Variants in VPS35L observed in about 807,000 individuals in gnomAD.
VPS35L encodes VPS35 endosomal protein-sorting factor-like.
In VPS35L, 83 loss-of-function variants were observed where a neutral mutation model predicts 133.0. The ratio of observed to expected loss-of-function variants is 0.62; its 90% confidence interval spans 0.52 to 0.75. The LOEUF is 0.75. Among genes scored for constraint, VPS35L ranks in the 30% least tolerant of loss-of-function variants. The probability of loss-of-function intolerance (pLI) is 0.00; values close to 1 mark genes in which losing one functional copy is unlikely to be tolerated. For synonymous variants in VPS35L, 423 were observed against 449.9 expected (o/e 0.94, Z 0.76); for missense variants, 1,083 against 1,206.8 (o/e 0.90, Z 1.52).
At chr16:19,581,384 C>A in intron 6 of VPS35L, 141 bp from the exon 7 acceptor site, 4 of 975,106 alleles carry the variant, frequency 4.1e-6, no homozygotes, top group Non-Finnish European at 2.9e-6. Context: ...TTGCAAATTG[C>A]AAGGCAAAGC....
At position 19,629,831 on chromosome 16, in the gene VPS35L, C is replaced by T. The variant is rs898352634; in HGVS notation, c.1554+11C>T. ...TGCAAGCATTTCACGGTATGTGTGA[C>T]TGTGGTATTGTTTTTGAAAGAATTA... On this transcript the variant is annotated intron_variant, in intron 18 of 30. Coordinates refer to ENST00000417362, the MANE Select transcript of VPS35L (RefSeq NM_020314.7). The T allele has an allele frequency of 4.3e-6, 7 of 1,612,024 alleles. No homozygotes were observed. The highest frequency in any genetic ancestry group is 5.1e-6 in the Non-Finnish European group (6 of 1,178,182).
At chr16:19,691,672 T>C (rs1975693712) in intron 29 of VPS35L, among the ~76,000 whole-genome samples, 2 of 152,200 alleles carry the variant, frequency 1.3e-5, no homozygotes, top group African/African-American at 4.8e-5. Context: ...GGGCTTCCCC[T>C]GGCTGTTCCT....
intron 8 of VPS35L, 89 bp downstream of exon 8, chr16:19,591,963 G>T: frequency 9.3e-7 from 1 of 1,077,346 alleles, no homozygotes; most frequent in Non-Finnish European, 1.4e-6. Context: ...ATTAGGTTCT[G>T]CTGTGGTTTA....
At chr16:19,693,170 A>G (rs904870383) in intron 29 of VPS35L, among the ~76,000 whole-genome samples, 1 of 152,114 alleles carries the variant, frequency 6.6e-6, no homozygotes, top group East Asian at 1.9e-4. Flanking sequence ...GTGGCATTGG[A>G]ACCCCAGTTT....
chr16:19,590,594 C>T (rs1972013938), intron 7 of VPS35L, among the ~76,000 whole-genome samples: 3 of 152,258 alleles, frequency 2.0e-5, no homozygotes, highest in Middle Eastern at 3.4e-3. Context: ...CATTGTGTGA[C>T]TGCGGTCTTC....
At chr16:19,700,102 C>A (rs1976065429) in intron 30 of VPS35L, among the ~76,000 whole-genome samples, 1 of 152,180 alleles carries the variant, frequency 6.6e-6, no homozygotes, top group South Asian at 2.1e-4. Flanking sequence ...GTCTCCAAAA[C>A]AAAGAACAAA....
chr16:19,653,935 A>C (rs1459642036), intron 26 of VPS35L, among the ~76,000 whole-genome samples: 2 of 152,278 alleles, frequency 1.3e-5, no homozygotes, highest in East Asian at 3.9e-4. Context: ...TTCTGAGTGC[A>C]GCTGAACACT....
intron 5 of VPS35L, among the ~76,000 whole-genome samples, chr16:19,576,863 G>T (rs1176673778): frequency 6.6e-6 from 1 of 151,942 alleles, no homozygotes; most frequent in African/African-American, 2.4e-5. Flanking sequence ...TGCACCACCA[G>T]GCCCAGCTAA....
At chr16:19,616,237 G>A (rs764651347) in intron 13 of VPS35L, 46 bp downstream of exon 13, 1 of 1,518,894 alleles carries the variant, frequency 6.6e-7, no homozygotes, top group Non-Finnish European at 9.1e-7. Context: ...ACAGTTCTAT[G>A]ATAGCAAATT....
chr16:19,596,441 AT>A (rs113074231), intron 8 of VPS35L, among the ~76,000 whole-genome samples: 677 of 140,762 alleles, frequency 4.8e-3, no homozygotes, highest in Non-Finnish European at 4.7e-3. Context: ...TGCCCAGCGA[AT>A]TTTTTTTTTT....
intron 1 of VPS35L, among the ~76,000 whole-genome samples, chr16:19,561,096 G>A (rs1378686508): frequency 6.6e-6 from 1 of 152,128 alleles, no homozygotes; most frequent in African/African-American, 2.4e-5. Flanking sequence ...GGGGCCAGGT[G>A]CAGTGGCTCA....
At chr16:19,622,049 C>T (rs1334888599) in intron 14 of VPS35L, among the ~76,000 whole-genome samples, 1 of 151,742 alleles carries the variant, frequency 6.6e-6, no homozygotes, top group Non-Finnish European at 1.5e-5. Context: ...CTGTGTTTTC[C>T]TCCCATCTTA....
intron 9 of VPS35L, among the ~76,000 whole-genome samples, chr16:19,606,413 CT>C (rs1263736598): frequency 4.6e-5 from 7 of 152,316 alleles, no homozygotes; most frequent in African/African-American, 1.7e-4. Flanking sequence ...AAAAAAGTTA[CT>C]TCATGTGTAG....
chr16:19,590,137 CCG>C lies in VPS35L; in HGVS notation c.640-1651_640-1650del, dbSNP rs201506792. On this transcript the variant is annotated intron_variant, in intron 7 of 30. Coordinates refer to ENST00000417362, the MANE Select transcript of VPS35L (RefSeq NM_020314.7). Reference sequence around the variant, plus strand: ...TGTTTTTACAGCTTACATTCCCGCCCCGCCCCCCCCCCCCCCCCCACAAATAA... The same window carrying C: ...TGTTTTTACAGCTTACATTCCCGCCCCCCCCCCCCCCCCCCCCACAAATAA... Among the ~76,000 whole-genome samples the C allele has an allele frequency of 9.2e-3, 190 of 20,738 alleles. 1 individual carries two copies. Among genetic ancestry groups the C allele is most frequent in the South Asian group, 0.015 (6 of 400 alleles). The allele number at this position is 20,738 out of a possible 152,430, so 13.6% of individuals were successfully genotyped here.
chr16:19,652,206 T>A, intron 26 of VPS35L, 116 bp downstream of exon 26: 4 of 751,476 alleles, frequency 5.3e-6, no homozygotes, highest in Non-Finnish European at 6.8e-6. Context: ...AGACAGAGTC[T>A]CACTCTGTCA....
intron 26 of VPS35L, among the ~76,000 whole-genome samples, chr16:19,657,368 A>T (rs2151592886): frequency 6.6e-6 from 1 of 152,146 alleles, no homozygotes; most frequent in South Asian, 2.1e-4. Flanking sequence ...TTGCATCTTC[A>T]TCCTTCAGAG....
rs758944543 is a variant in VPS35L at position 19,647,831 on chromosome 16, G to C, written c.1977G>C (p.Glu659Asp). The change falls in exon 24 of 31, where the codon GAG (glutamate) becomes GAC (aspartate). Residue 659 changes from glutamate to aspartate, a missense_variant. Glu to Asp is a conservative substitution (Grantham distance 45, BLOSUM62 2). Transcript: ENST00000417362. ...DFEQQLSFYV[E>D]SRSMFCNLEP... The stretch of plus-strand genomic sequence containing the variant: ...AACAACAGCTGAGTTTTTATGTTGA[G>C]TCCAGGTCGATGTTTTGCAATCTGG... 3.1e-6 allele frequency: 5 copies of C among 1,614,074 alleles called. No homozygotes were observed. The highest frequency in any genetic ancestry group is 2.5e-6 in the Non-Finnish European group (3 of 1,180,014).
intron 27 of VPS35L, among the ~76,000 whole-genome samples, chr16:19,670,767 T>TG (rs1974848720): frequency 6.6e-6 from 1 of 152,144 alleles, no homozygotes. Context: ...CCTTATAACT[T>TG]GGAGTCCATC....
chr16:19,646,861 A>G (rs899161006), intron 23 of VPS35L, among the ~76,000 whole-genome samples: 1 of 152,112 alleles, frequency 6.6e-6, no homozygotes, highest in Non-Finnish European at 1.5e-5. Flanking sequence ...CTTTGGGAAC[A>G]TCCCACCATT....
Sources: allele counts gnomAD v4.1 joint callset (sites outside exome capture counted in the v4.1 genomes callset), GRCh38; gene constraint gnomAD v4.1.1; transcripts MANE v1.5; gene names NCBI Gene and HGNC (gene_info 2026-07-23, HGNC 2026-07-21).